The following ZNF804B variants were observed in gnomAD, a reference collection of about 807,000 sequenced individuals.
The protein encoded by ZNF804B is zinc finger 804B.
In ZNF804B, 80 loss-of-function variants were observed where a neutral mutation model predicts 101.4. The observed-to-expected ratio is 0.79, with a 90% CI of 0.66 to 0.95. The LOEUF (loss-of-function observed/expected upper bound fraction) is 0.95. ZNF804B is among the 40% of genes least tolerant of loss of function. ZNF804B has a pLI of 0.00. For missense variants in ZNF804B, 1,673 were observed against 1,561.9 expected (o/e 1.07, Z -1.20); for synonymous variants, 622 against 558.8 (o/e 1.11, Z -1.59).
intron 1 of ZNF804B, among the ~76,000 whole-genome samples, chr7:89,062,444 C>T (rs918292301): frequency 8.5e-5 from 13 of 152,100 alleles, no homozygotes; most frequent in Non-Finnish European, 2.9e-5. Context: ...TAGCACTCCT[C>T]TCTGCGTTTT....
intron 1 of ZNF804B, among the ~76,000 whole-genome samples, chr7:88,870,667 A>G (rs1791808820): frequency 1.3e-5 from 2 of 152,134 alleles, no homozygotes; most frequent in African/African-American, 2.4e-5. Context: ...TGGGCCTTAT[A>G]GTACAGAAAA....
chr7:88,761,054 A>G (rs1789888503), intron 1 of ZNF804B, among the ~76,000 whole-genome samples: 1 of 151,452 alleles, frequency 6.6e-6, no homozygotes, highest in Non-Finnish European at 1.5e-5. Flanking sequence ...GAAAACTGAA[A>G]TTGCCCAACT....
In ZNF804B at chr7:89,254,135, G is replaced by A. The variant is rs117418762; in HGVS notation, c.249+35840G>A. On this transcript the variant is annotated intron_variant, in intron 2 of 3. Transcript: ENST00000333190. ...AATTTCTATTTAACATTGCATTGAC[G>A]GTTCTAGCTAGTGCGGTGAGATAGG... 1.0e-2 allele frequency among the ~76,000 whole-genome samples: 1,516 copies of A among 152,058 alleles called. 9 individuals are homozygous for A. Among genetic ancestry groups the A allele is most frequent in the Non-Finnish European group, 0.015 (1,046 of 67,942 alleles).
chr7:88,994,394 G>C (rs1357388581), intron 1 of ZNF804B, among the ~76,000 whole-genome samples: 1 of 151,886 alleles, frequency 6.6e-6, no homozygotes, highest in Non-Finnish European at 1.5e-5. Context: ...ATGTACCTTT[G>C]ACAGATTGAA....
At chr7:88,875,069 TA>T (rs1407822680) in intron 1 of ZNF804B, among the ~76,000 whole-genome samples, 8 of 132,054 alleles carry the variant, frequency 6.1e-5, no homozygotes, top group Middle Eastern at 3.5e-3. Context: ...ACTGGGTACA[TA>T]ACGAAATGAA....
At chr7:89,083,493 G>A (rs1315510768) in intron 1 of ZNF804B, among the ~76,000 whole-genome samples, 1 of 151,588 alleles carries the variant, frequency 6.6e-6, no homozygotes, top group East Asian at 1.9e-4. Context: ...AGAATAAATG[G>A]CATTGATTAT....
intron 1 of ZNF804B, among the ~76,000 whole-genome samples, chr7:88,926,590 AGAG>A (rs1322521637): frequency 1.3e-5 from 2 of 152,268 alleles, no homozygotes; most frequent in East Asian, 3.9e-4. Context: ...CCTGGGTGAC[AGAG>A]TGAGACTCCA....
intron 1 of ZNF804B, among the ~76,000 whole-genome samples, chr7:88,936,217 A>G (rs1189527764): frequency 6.6e-6 from 1 of 152,092 alleles, no homozygotes; most frequent in African/African-American, 2.4e-5. Flanking sequence ...TCCCAGCATT[A>G]CACTATCATT....
chr7:88,889,732 T>C (rs1792188843), intron 1 of ZNF804B, among the ~76,000 whole-genome samples: 1 of 152,166 alleles, frequency 6.6e-6, no homozygotes, highest in Non-Finnish European at 1.5e-5. Flanking sequence ...AAGTTACCTG[T>C]TTACTCAGTT....
At chr7:89,079,053 G>T (rs1209039683) in intron 1 of ZNF804B, among the ~76,000 whole-genome samples, 1 of 151,896 alleles carries the variant, frequency 6.6e-6, no homozygotes, top group Non-Finnish European at 1.5e-5. Context: ...GGCTCAAAAT[G>T]TACCTGCCAC....
At chr7:89,126,952 C>G (rs1562891363) in intron 1 of ZNF804B, among the ~76,000 whole-genome samples, 1 of 151,838 alleles carries the variant, frequency 6.6e-6, no homozygotes, top group African/African-American at 2.4e-5. Context: ...TGCCAGAAAA[C>G]AAACATGAAA....
chr7:88,979,719 T>C (rs1334251373), intron 1 of ZNF804B, among the ~76,000 whole-genome samples: 1 of 151,702 alleles, frequency 6.6e-6, no homozygotes, highest in Non-Finnish European at 1.5e-5. Flanking sequence ...TCGTGTTCTA[T>C]AACCTTCTTG....
intron 1 of ZNF804B, among the ~76,000 whole-genome samples, chr7:88,969,533 A>G (rs2071136712): frequency 6.6e-6 from 1 of 151,562 alleles, no homozygotes. Context: ...GAGTGATGAC[A>G]TTTTTTTCTT....
intron 2 of ZNF804B, among the ~76,000 whole-genome samples, chr7:89,305,247 T>C (rs1790543125): frequency 6.6e-6 from 1 of 152,056 alleles, no homozygotes; most frequent in Non-Finnish European, 1.5e-5. Context: ...AATATTTTGA[T>C]ACACGTTAAG....
intron 1 of ZNF804B, among the ~76,000 whole-genome samples, chr7:89,040,992 G>A (rs1789008269): frequency 6.6e-6 from 1 of 152,098 alleles, no homozygotes; most frequent in Admixed American, 6.5e-5. Flanking sequence ...GGACCATAAA[G>A]GTGGGTCTGG....
At chr7:89,103,048 GTTTTTTTTTTTTTTTTT>G (rs56693128) in intron 1 of ZNF804B, among the ~76,000 whole-genome samples, 11 of 33,750 alleles carry the variant, frequency 3.3e-4, no homozygotes, top group East Asian at 1.5e-3. Flanking sequence ...CTATGTGTCT[GTTTTTTTTTTTTTTTTT>G]TTTTTTTTTT....
At chr7:89,051,112 A>G (rs969693102) in intron 1 of ZNF804B, among the ~76,000 whole-genome samples, 7 of 152,084 alleles carry the variant, frequency 4.6e-5, no homozygotes, top group African/African-American at 1.7e-4. Flanking sequence ...TCATTTATTT[A>G]TAAACCTTCA....
At chr7:88,783,824 T>C (rs1336305813) in intron 1 of ZNF804B, among the ~76,000 whole-genome samples, 1 of 152,100 alleles carries the variant, frequency 6.6e-6, no homozygotes, top group African/African-American at 2.4e-5. Flanking sequence ...AACAGAGAAG[T>C]TGGAAAAATT....
At chr7:89,190,660 G>T (rs1056929514) in intron 1 of ZNF804B, among the ~76,000 whole-genome samples, 1 of 152,058 alleles carries the variant, frequency 6.6e-6, no homozygotes, top group African/African-American at 2.4e-5. Context: ...TGCTCCAGAG[G>T]AACTTTTCAT....
Sources: gnomAD v4.1 joint callset for allele counts (sites outside exome capture counted in the v4.1 genomes callset) on GRCh38, gnomAD v4.1.1 for gene constraint, MANE v1.5 for transcripts, NCBI Gene and HGNC (gene_info 2026-07-23, HGNC 2026-07-21) for gene names.